MMP21: variants seen among roughly 807,000 people sequenced by gnomAD.
MMP21 encodes matrix metallopeptidase 21, also known as matrix metalloproteinase-21.
Under a neutral mutation model 47.8 loss-of-function variants are expected in MMP21, and 40 were observed. That is an observed-to-expected ratio of 0.84 (90% CI 0.65 to 1.09). The LOEUF (loss-of-function observed/expected upper bound fraction) is 1.09, where lower values mean the gene tolerates loss of function less well. Among genes scored for constraint, MMP21 ranks in the 50% least tolerant of loss-of-function variants. MMP21 has a pLI of 0.00. For missense variants in MMP21, 747 were observed against 775.3 expected (o/e 0.96, Z 0.43); for synonymous variants, 341 against 318.0 (o/e 1.07, Z -0.77).
Position 125,766,722 on chromosome 10 carries a change from C to CT in MMP21, c.1649dup (p.Phe551ValfsTer8). On this transcript the variant is annotated frameshift_variant, in exon 7 of 7. Transcript: ENST00000368808. LOFTEE classifies it high-confidence loss of function. ...CATCAAACCACTTCTCTGAAATAAA[C>CT]TTTTTTGGAAATAAGCCATTAGCAG... 6.2e-7 allele frequency: 1 copy of CT among 1,613,670 alleles called. No individual in the cohort carries two copies. The highest frequency in any genetic ancestry group is 8.5e-7 in the Non-Finnish European group (1 of 1,179,934).
chr10:125,774,406 CG>C (rs1317157555), intron 1 of MMP21, 41 bp from the exon 2 acceptor site: 2 of 1,298,086 alleles, frequency 1.5e-6, no homozygotes, highest in African/African-American at 1.6e-5. Context: ...CCGCCTCGCT[CG>C]GGGCCCTCCC....
chr10:125,772,818 G>A lies in MMP21; in HGVS notation c.698-68C>T, dbSNP rs1850466820. 1 of 1,569,162 alleles carries A rather than the reference G, an allele frequency of 6.4e-7. No individual in the cohort carries two copies. Among genetic ancestry groups the A allele is most frequent in the Non-Finnish European group, 8.7e-7 (1 of 1,154,966 alleles). On this transcript the variant is annotated intron_variant, in intron 2 of 6. Transcript: ENST00000368808. This position sits in a 1 kb window ranked among gnomAD's most constrained non-coding sequence, Gnocchi z 5.6. ...GCCCCCCATACAGACTCCTCACCTA[G>A]GGGGTCCCCAGCCTCCAGGAGCCGG...
chr10:125,774,358 A>G lies in MMP21; in HGVS notation c.170T>C (p.Leu57Pro). ...CACCCCTGACCAGCCGTATCTGGAC[A>G]GGAACCGCTGTGGGAGAGAAAGGCA... The part of the protein sequence containing the change: ...IADLHAAQRF[L>P]SRYGWSGVWA... Residue 57 changes from leucine to proline, a missense_variant, in exon 2 of 7, where the codon CTG becomes CCG. By Grantham distance (98) the Leu-to-Pro change is moderately conservative. Transcript: ENST00000368808. The G allele has an allele frequency of 7.3e-7, 1 of 1,363,966 alleles. No homozygotes were observed. The highest frequency in any genetic ancestry group is 9.4e-7 in the Non-Finnish European group (1 of 1,062,140). 84.5% of individuals were successfully genotyped at this position (1,363,966 alleles called of 1,614,324 possible). A position where few individuals can be genotyped will look rare whatever the true frequency, so the allele number is the denominator to read the frequency against.
chr10:125,775,490 G>GCCAA (rs1850506359), intron 1 of MMP21, among the ~76,000 whole-genome samples, 170 bp downstream of exon 1: 3 of 152,244 alleles, frequency 2.0e-5, no homozygotes, highest in Non-Finnish European at 4.4e-5. Context: ...ATTCATGGTT[G>GCCAA]TTCCAATAGG....
intron 4 of MMP21, among the ~76,000 whole-genome samples, chr10:125,771,645 C>T (rs1037521645): frequency 4.6e-5 from 7 of 152,112 alleles, no homozygotes; most frequent in African/African-American, 9.7e-5. Flanking sequence ...ATCAAGAATC[C>T]GCCCACCTTG....
At chr10:125,771,652 C>T (rs536552063) in intron 4 of MMP21, among the ~76,000 whole-genome samples, 2 of 152,334 alleles carry the variant, frequency 1.3e-5, no homozygotes, top group Admixed American at 6.5e-5. Flanking sequence ...ATCCGCCCAC[C>T]TTGGCCTCCC....
chr10:125,772,349 T>C lies in MMP21; in HGVS notation c.848A>G (p.His283Arg). The C allele has an allele frequency of 6.2e-7, 1 of 1,614,086 alleles. No individual in the cohort carries two copies. The highest frequency in any genetic ancestry group is 8.5e-7 in the Non-Finnish European group (1 of 1,180,006). Residue 283 changes from histidine to arginine, a missense_variant, in exon 4 of 7, where the codon CAT becomes CGT. Coordinates refer to ENST00000368808, the MANE Select transcript of MMP21 (RefSeq NM_147191.1). This position sits in a 1 kb window ranked among gnomAD's most constrained non-coding sequence, Gnocchi z 5.6. ...TGISLLKVAVHEIGHVLGLPH... is the reference protein window; with the variant it reads ...TGISLLKVAVREIGHVLGLPH... ...CAAGCCCAGGACATGGCCAATTTCA[T>C]GGACGGCCACCTAGAAGGGGACACA...
intron 4 of MMP21, among the ~76,000 whole-genome samples, chr10:125,771,626 A>T (rs886286934): frequency 6.6e-6 from 1 of 152,110 alleles, no homozygotes; most frequent in Non-Finnish European, 1.5e-5. Context: ...CTGGTCTCGA[A>T]CTTCTGACAT....
At position 125,772,148 on chromosome 10, in the gene MMP21, C is replaced by G. The variant is rs542233695; in HGVS notation, c.979+70G>C. On this transcript the variant is annotated intron_variant, in intron 4 of 6. Transcript: ENST00000368808. This position sits in a 1 kb window ranked among gnomAD's most constrained non-coding sequence, Gnocchi z 5.6. ...GCCCAGTTTCCCAGTGAGGAGTGAGCGGGGTCCTACAGTGCTCTGGAATAC... is the reference window on the plus strand; with the variant it reads ...GCCCAGTTTCCCAGTGAGGAGTGAGGGGGGTCCTACAGTGCTCTGGAATAC... 1 of 1,565,830 alleles carries G rather than the reference C, an allele frequency of 6.4e-7. No homozygotes were observed. The highest frequency in any genetic ancestry group is 8.7e-7 in the Non-Finnish European group (1 of 1,144,146).
Position 125,772,506 on chromosome 10 carries a change from T to A in MMP21, c.837+105A>T. On this transcript the variant is annotated intron_variant, in intron 3 of 6. Transcript: ENST00000368808. This position sits in a 1 kb window ranked among gnomAD's most constrained non-coding sequence, Gnocchi z 5.6. ...TGGGGAGCCATTCCACGGATTCACC[T>A]CCTCAGAGGTTGCGGACACTACATG... The A allele has an allele frequency of 6.3e-7, 1 of 1,580,140 alleles. No individual in the cohort carries two copies. Among genetic ancestry groups the A allele is most frequent in the Non-Finnish European group, 8.7e-7 (1 of 1,154,130 alleles).
Position 125,772,108 on chromosome 10 carries a change from A to C in MMP21, c.979+110T>G. On this transcript the variant is annotated intron_variant, in intron 4 of 6. Coordinates refer to ENST00000368808, the MANE Select transcript of MMP21 (RefSeq NM_147191.1). The surrounding 1 kb of genome is among the most constrained non-coding windows in gnomAD (Gnocchi z 5.6). ...ACCCTTGGGTGACATGAGTTGTACA[A>C]CGTTGCGCTCTTAGGCCCAGTTTCC... 7.6e-7 allele frequency: 1 copy of C among 1,309,962 alleles called. No homozygotes were observed. The highest frequency in any genetic ancestry group is 1.1e-6 in the Non-Finnish European group (1 of 930,314). The allele number at this position is 1,309,962 out of a possible 1,614,324, so 81.1% of individuals were successfully genotyped here.
rs1850461667 is a variant in MMP21 at position 125,772,582 on chromosome 10, TATC to T, written c.837+26_837+28del. 1 of 1,614,076 alleles carries T rather than the reference TATC, an allele frequency of 6.2e-7. No individual in the cohort carries two copies. The highest frequency in any genetic ancestry group is 8.5e-7 in the Non-Finnish European group (1 of 1,179,942). On this transcript the variant is annotated intron_variant, in intron 3 of 6. Coordinates refer to ENST00000368808, the MANE Select transcript of MMP21 (RefSeq NM_147191.1). This position sits in a 1 kb window ranked among gnomAD's most constrained non-coding sequence, Gnocchi z 5.6. Reference sequence around the variant, plus strand: ...CAGCCCATGAGCACTGCTGGTGTCTTATCAACACAGTGGCTCAGGACCACTGAC... The same window carrying T: ...CAGCCCATGAGCACTGCTGGTGTCTTAACACAGTGGCTCAGGACCACTGAC...
chr10:125,774,853 C>G (rs755184965), intron 1 of MMP21, among the ~76,000 whole-genome samples: 3 of 152,172 alleles, frequency 2.0e-5, no homozygotes, highest in Non-Finnish European at 4.4e-5. Context: ...GCAGAGAAAG[C>G]CATGGGAGGC....
chr10:125,769,685 G>A (rs866783465), intron 5 of MMP21, among the ~76,000 whole-genome samples: 1 of 152,140 alleles, frequency 6.6e-6, no homozygotes, highest in African/African-American at 2.4e-5. Context: ...TCTTCTGCTC[G>A]GTCTGCCCCT....
chr10:125,767,469 C>T, intron 6 of MMP21, 63 bp downstream of exon 6: 1 of 1,477,064 alleles, frequency 6.8e-7, no homozygotes, highest in South Asian at 1.2e-5. Context: ...TGAACTTGGT[C>T]ATCTGACGAA....
Position 125,772,266 on chromosome 10 carries a change from C to T in MMP21, c.931G>A (p.Ala311Thr), listed in dbSNP as rs17173746. The T allele has an allele frequency of 2.8e-5, 46 of 1,614,076 alleles. No individual in the cohort carries two copies. Among genetic ancestry groups the T allele is most frequent in the Non-Finnish European group, 3.6e-5 (43 of 1,180,036 alleles). The change falls in exon 4 of 7, where the codon GCC becomes ACC. Residue 311 changes from alanine to threonine, a missense_variant. Transcript: ENST00000368808. This position sits in a 1 kb window ranked among gnomAD's most constrained non-coding sequence, Gnocchi z 5.6. ...MQPNYIPQEP[A>T]FELDWSDRKA... ...CTGTCTGACCAGTCCAACTCAAAGG[C>T]AGGCTCCTGGGGAATGTAATTTGGT...
chr10:125,772,379 A>G lies in MMP21; in HGVS notation c.838-20T>C. 6.2e-7 allele frequency: 1 copy of G among 1,613,734 alleles called. No individual in the cohort carries two copies. Among genetic ancestry groups the G allele is most frequent in the Non-Finnish European group, 8.5e-7 (1 of 1,179,892 alleles). On this transcript the variant is annotated intron_variant, in intron 3 of 6. Transcript: ENST00000368808. This position sits in a 1 kb window ranked among gnomAD's most constrained non-coding sequence, Gnocchi z 5.6. Reference sequence around the variant, plus strand: ...GGCCACCTAGAAGGGGACACACACCATGGGTGCTGGGTGAAGCCTGGGCGA... The same window carrying G: ...GGCCACCTAGAAGGGGACACACACCGTGGGTGCTGGGTGAAGCCTGGGCGA...
Position 125,770,355 on chromosome 10 carries a change from C to T in MMP21, c.1216G>A (p.Asp406Asn), listed in dbSNP as rs1455723458. Residue 406 changes from aspartate to asparagine, a missense_variant, in exon 5 of 7, where the codon GAT becomes AAT. Coordinates refer to ENST00000368808, the MANE Select transcript of MMP21 (RefSeq NM_147191.1). The stretch of plus-strand genomic sequence containing the variant: ...GTACCTTGAAAAAAATAACGTTCAT[C>T]TCTTTTCCATGTCCAGATGTGAACA... Reference protein sequence around the residue: ...AFVHIWTWKRDERYFFQGNQY... With the variant: ...AFVHIWTWKRNERYFFQGNQY... 6.2e-7 allele frequency: 1 copy of T among 1,614,062 alleles called. No homozygotes were observed. The highest frequency in any genetic ancestry group is 1.3e-5 in the African/African-American group (1 of 74,924).
chr10:125,768,019 AC>A (rs1850405073), intron 5 of MMP21, among the ~76,000 whole-genome samples: 1 of 152,192 alleles, frequency 6.6e-6, no homozygotes, highest in African/African-American at 2.4e-5. Flanking sequence ...AAAAGCAAAA[AC>A]AAAACAGCAA....
Sources: gnomAD v4.1 joint callset for allele counts (sites outside exome capture counted in the v4.1 genomes callset) on GRCh38, gnomAD v4.1.1 for gene constraint, Gnocchi (gnomAD v3.1) non-coding constraint, MANE v1.5 for transcripts, NCBI Gene and HGNC (gene_info 2026-07-23, HGNC 2026-07-21) for gene names.